The following PIAS1 variants were observed in gnomAD, a reference collection of about 807,000 sequenced individuals.
PIAS1 encodes protein inhibitor of activated STAT 1, also known as E3 SUMO-protein ligase PIAS1.
Under a neutral mutation model 71.3 loss-of-function variants are expected in PIAS1, and 6 were observed. The ratio of observed to expected loss-of-function variants is 0.08; its 90% CI spans 0.05 to 0.17. PIAS1 has a LOEUF of 0.17. Ranked by LOEUF, PIAS1 falls within the 10% of genes least tolerant of loss-of-function variation. The pLI, the probability that PIAS1 is intolerant of heterozygous loss-of-function variation, is 1.00. For synonymous variants in PIAS1, 303 were observed against 292.9 expected (o/e 1.03, Z -0.35); for missense variants, 555 against 793.6 (o/e 0.70, Z 3.61).
chr15:68,092,935 G>C (rs74723442), intron 2 of PIAS1, among the ~76,000 whole-genome samples: 1 of 152,160 alleles, frequency 6.6e-6, no homozygotes, highest in African/African-American at 2.4e-5. Flanking sequence ...AGCCAATCTA[G>C]TTGAAACCAG....
chr15:68,149,074 GTGTTTTGTTTTGTTTT>G (rs1330446688), intron 6 of PIAS1, among the ~76,000 whole-genome samples: 1 of 152,134 alleles, frequency 6.6e-6, no homozygotes. Flanking sequence ...GAGTGTGGGT[GTGTTTTGTTTTGTTTT>G]TGTTTTGTTT....
chr15:68,071,660 T>A (rs954824623), intron 1 of PIAS1, among the ~76,000 whole-genome samples: 6 of 152,056 alleles, frequency 3.9e-5, no homozygotes, highest in African/African-American at 1.4e-4. Context: ...AGACTGGGCC[T>A]TAGAAGAGTT....
intron 8 of PIAS1, among the ~76,000 whole-genome samples, chr15:68,166,146 G>A (rs1438223817): frequency 1.3e-5 from 2 of 152,092 alleles, no homozygotes; most frequent in African/African-American, 2.4e-5. Flanking sequence ...TTGTATCATT[G>A]TGTATATATC....
At chr15:68,060,849 A>G (rs978365391) in intron 1 of PIAS1, among the ~76,000 whole-genome samples, 6 of 152,090 alleles carry the variant, frequency 3.9e-5, no homozygotes, top group Non-Finnish European at 5.9e-5. Context: ...GCGCCCAGCT[A>G]ATTTTTGTAT....
At chr15:68,158,173 T>C (rs1374484548) in intron 7 of PIAS1, among the ~76,000 whole-genome samples, 1 of 152,174 alleles carries the variant, frequency 6.6e-6, no homozygotes, top group Non-Finnish European at 1.5e-5. Context: ...TTCCATCATG[T>C]GGCACCTGCT....
chr15:68,116,400 C>T (rs1017618411), intron 2 of PIAS1, among the ~76,000 whole-genome samples: 5 of 151,968 alleles, frequency 3.3e-5, no homozygotes, highest in Admixed American at 6.6e-5. Flanking sequence ...TAATAATATT[C>T]TCTTCACATC....
chr15:68,127,811 G>A (rs1457653430), intron 2 of PIAS1, among the ~76,000 whole-genome samples: 1 of 152,052 alleles, frequency 6.6e-6, no homozygotes, highest in Non-Finnish European at 1.5e-5. Context: ...TGCCCAGGCT[G>A]GAGTACAGTA....
chr15:68,127,837 G>T (rs563576702), intron 2 of PIAS1, among the ~76,000 whole-genome samples: 1 of 151,914 alleles, frequency 6.6e-6, no homozygotes, highest in African/African-American at 2.4e-5. Flanking sequence ...ACCTCAGCTC[G>T]CTGCAACCTC....
At chr15:68,083,995 A>G (rs748156775) in intron 1 of PIAS1, among the ~76,000 whole-genome samples, 8 of 152,262 alleles carry the variant, frequency 5.3e-5, no homozygotes, top group Middle Eastern at 6.8e-3. Context: ...AATGTAATTG[A>G]GGGCGCTCAA....
chr15:68,130,481 A>G (rs1192813745), intron 2 of PIAS1, among the ~76,000 whole-genome samples: 1 of 151,974 alleles, frequency 6.6e-6, no homozygotes, highest in Non-Finnish European at 1.5e-5. Context: ...TGATATACTG[A>G]TAACTTGACA....
rs1020457215 is a variant in PIAS1 at position 68,146,094 on chromosome 15, A to G, written c.693+188A>G. Among the ~76,000 whole-genome samples, 26 of 152,332 alleles carry G rather than the reference A, an allele frequency of 1.7e-4. 1 individual carries two copies. The highest frequency in any genetic ancestry group is 1.6e-3 in the Admixed American group (24 of 15,298). Reference sequence around the variant, plus strand: ...CAGCAGTGACATTAGCTTTGGGGACATAGGATTTGGAGTTGGGTATGGTAG... The same window carrying G: ...CAGCAGTGACATTAGCTTTGGGGACGTAGGATTTGGAGTTGGGTATGGTAG... On this transcript the variant is annotated intron_variant, in intron 5 of 13. Coordinates refer to ENST00000249636, the MANE Select transcript of PIAS1 (RefSeq NM_016166.3).
intron 2 of PIAS1, among the ~76,000 whole-genome samples, chr15:68,116,109 G>A (rs767587209): frequency 3.3e-4 from 50 of 151,254 alleles, no homozygotes; most frequent in Non-Finnish European, 2.2e-4. Context: ...AGTTTGTGTA[G>A]AATCAATATT....
At chr15:68,179,036 CT>C (rs2093036827) in intron 11 of PIAS1, among the ~76,000 whole-genome samples, 1 of 152,140 alleles carries the variant, frequency 6.6e-6, no homozygotes, top group African/African-American at 2.4e-5. Context: ...AAACAAGAAA[CT>C]TGAAAGTTTA....
intron 2 of PIAS1, among the ~76,000 whole-genome samples, chr15:68,097,059 A>G (rs144460109): frequency 1.2e-4 from 19 of 152,262 alleles, no homozygotes; most frequent in Admixed American, 2.0e-4. Context: ...TATGGTCTTC[A>G]TTATGTTGAG....
intron 2 of PIAS1, among the ~76,000 whole-genome samples, chr15:68,119,170 T>TC (rs1896610500): frequency 8.3e-6 from 1 of 121,172 alleles, no homozygotes; most frequent in Admixed American, 1.2e-4. Context: ...GAGGCCGAGG[T>TC]GGGTGGATCA....
At chr15:68,055,528 G>A (rs962547804) in intron 1 of PIAS1, among the ~76,000 whole-genome samples, 2 of 152,042 alleles carry the variant, frequency 1.3e-5, no homozygotes, top group African/African-American at 4.8e-5. Context: ...ACTGGATTGT[G>A]ACAAATGGGG....
chr15:68,140,614 A>G (rs976661193), intron 2 of PIAS1, among the ~76,000 whole-genome samples: 5 of 152,202 alleles, frequency 3.3e-5, no homozygotes, highest in Admixed American at 1.3e-4. Flanking sequence ...TAATGTTGAG[A>G]TAGAATTCTA....
intron 2 of PIAS1, among the ~76,000 whole-genome samples, chr15:68,120,818 C>CTT (rs2092607466): frequency 6.6e-6 from 1 of 152,138 alleles, no homozygotes. Context: ...CCACGCCTGG[C>CTT]TAATTTTTGT....
At chr15:68,125,368 C>T (rs905569537) in intron 2 of PIAS1, among the ~76,000 whole-genome samples, 2 of 152,148 alleles carry the variant, frequency 1.3e-5, no homozygotes, top group Non-Finnish European at 2.9e-5. Context: ...TTGAGGTCTT[C>T]TTTCATTACA....
Sources: allele counts gnomAD v4.1 joint callset (sites outside exome capture counted in the v4.1 genomes callset), GRCh38; gene constraint gnomAD v4.1.1; transcripts MANE v1.5; gene names NCBI Gene and HGNC (gene_info 2026-07-23, HGNC 2026-07-21).